UTS2B: variants seen among roughly 807,000 people sequenced by gnomAD.
UTS2B encodes the protein urotensin 2B.
Under a neutral mutation model 19.2 loss-of-function variants are expected in UTS2B, and 21 were observed. The observed-to-expected ratio is 1.09, with a 90% CI of 0.78 to 1.58. UTS2B has a LOEUF of 1.58. Ranked by LOEUF, UTS2B falls within the 40% of genes most tolerant of loss-of-function variation. The probability of loss-of-function intolerance (pLI) is 0.00; values close to 1 mark genes in which losing one functional copy is unlikely to be tolerated. For synonymous variants in UTS2B, 57 were observed against 50.2 expected (o/e 1.14, Z -0.58); for missense variants, 138 against 130.3 (o/e 1.06, Z -0.29).
chr3:191,268,562 T>C (rs1011370770), intron 8 of UTS2B, 121 bp from the exon 9 acceptor site: 1 of 627,358 alleles, frequency 1.6e-6, no homozygotes, highest in South Asian at 2.1e-5. Context: ...ACAGTCAATA[T>C]TGTAGCTACT....
rs373850010 is a variant in UTS2B, at chr3:191,285,603, T to C, written c.-124-3290A>G. On this transcript the variant is annotated intron_variant, in intron 4 of 8. Coordinates refer to ENST00000340524, the MANE Select transcript of UTS2B (RefSeq NM_198152.5). ...GAGACTCATTTCACTTTTAAAAATA[T>C]ACATAAGTTCAAAGTGCGCCCGGCT... Among the ~76,000 whole-genome samples the C allele has an allele frequency of 3.3e-4, 50 of 152,208 alleles. 2 individuals are homozygous for C. In the South Asian group the frequency reaches 8.9e-3, roughly 27 times the overall value.
chr3:191,313,847 C>CT lies in UTS2B; in HGVS notation c.-182+2188_-182+2189insA, dbSNP rs200257765. On this transcript the variant is annotated intron_variant, in intron 3 of 8. Coordinates refer to ENST00000340524, the MANE Select transcript of UTS2B (RefSeq NM_198152.5). The stretch of plus-strand genomic sequence containing the variant: ...CCAGGTTCAAGTGATTCTCCTTCCT[C>CT]CACCTCCTGAGTAGCTGAGCTCACT... Among the ~76,000 whole-genome samples the CT allele has an allele frequency of 9.2e-3, 1,390 of 151,596 alleles. 50 individuals carry two copies. Among genetic ancestry groups the CT allele is most frequent in the East Asian group, 0.076 (389 of 5,110 alleles).
At chr3:191,319,583 G>T (rs1285319954) in intron 2 of UTS2B, among the ~76,000 whole-genome samples, 1 of 151,684 alleles carries the variant, frequency 6.6e-6, no homozygotes, top group Non-Finnish European at 1.5e-5. Flanking sequence ...TTTTTGGCTG[G>T]GCATGGTGAC....
At chr3:191,274,038 G>A (rs1426738231) in intron 8 of UTS2B, among the ~76,000 whole-genome samples, 1 of 151,832 alleles carries the variant, frequency 6.6e-6, no homozygotes, top group Non-Finnish European at 1.5e-5. Flanking sequence ...AGAGACAGAG[G>A]TTGCAGTGAG....
chr3:191,309,375 G>A (rs773126458), intron 3 of UTS2B, among the ~76,000 whole-genome samples: 6 of 151,170 alleles, frequency 4.0e-5, no homozygotes, highest in South Asian at 4.2e-4. Context: ...AGGTTTCACC[G>A]TGTTAGCCAG....
chr3:191,293,296 A>G (rs931127208), intron 4 of UTS2B, among the ~76,000 whole-genome samples: 3 of 152,162 alleles, frequency 2.0e-5, no homozygotes, highest in African/African-American at 7.2e-5. Context: ...TTCTCTTTTA[A>G]GTTTTTGAAG....
At chr3:191,329,863 GGAATT>G (rs1458670039) in intron 1 of UTS2B, 1 of 662,426 alleles carries the variant, frequency 1.5e-6, no homozygotes, top group African/African-American at 2.0e-5. Context: ...GGACGTGAAA[GGAATT>G]GAATTCAGGT....
At chr3:191,296,140 C>T (rs2108589205) in intron 4 of UTS2B, among the ~76,000 whole-genome samples, 1 of 152,246 alleles carries the variant, frequency 6.6e-6, no homozygotes, top group Admixed American at 6.5e-5. Flanking sequence ...ATCTGTCTTC[C>T]CCTTTTCACA....
intron 2 of UTS2B, among the ~76,000 whole-genome samples, chr3:191,317,538 G>A (rs1250425233): frequency 2.6e-5 from 4 of 152,010 alleles, no homozygotes; most frequent in African/African-American, 9.7e-5. Context: ...ACGGCTGCTA[G>A]CACGTTGTCA....
intron 1 of UTS2B, among the ~76,000 whole-genome samples, chr3:191,329,944 G>GT (rs1466208528): frequency 3.4e-5 from 1 of 29,194 alleles, no homozygotes; most frequent in Non-Finnish European, 5.5e-5. Context: ...GGGGTGGTTG[G>GT]GGGGGGGGGG....
At chr3:191,314,953 T>C (rs992908590) in intron 3 of UTS2B, among the ~76,000 whole-genome samples, 2 of 152,148 alleles carry the variant, frequency 1.3e-5, no homozygotes, top group African/African-American at 2.4e-5. Flanking sequence ...TGTAATATCC[T>C]TTATGATAAA....
chr3:191,327,480 C>T (rs1425199399), intron 2 of UTS2B, among the ~76,000 whole-genome samples: 5 of 152,192 alleles, frequency 3.3e-5, no homozygotes, highest in African/African-American at 1.2e-4. Context: ...CACTCTAGGC[C>T]TGAAGGGACA....
intron 1 of UTS2B, chr3:191,329,418 A>C: frequency 3.0e-5 from 12 of 403,562 alleles, no homozygotes; most frequent in East Asian, 9.2e-5. Flanking sequence ...GATATTTGGT[A>C]TCGATTGGGG....
Position 191,278,161 on chromosome 3 carries a change from A to T in UTS2B, c.113T>A (p.Ile38Lys). ...ATTTGTATATTTTTTATCTGGAAAT[A>T]TTTCATTTCCTATAATGATCAAAAA... ...GRPYLTQGNE[I>K]FPDKKYTNRE... is the part of the protein sequence containing the mutation. Residue 38 changes from isoleucine to lysine, a missense_variant, in exon 6 of 9, where the codon ATA (isoleucine) becomes AAA (lysine). Physicochemically the swap from Ile to Lys is moderately radical, Grantham distance 102 (BLOSUM62 -3). Coordinates refer to ENST00000340524, the MANE Select transcript of UTS2B (RefSeq NM_198152.5). 1.3e-6 allele frequency: 2 copies of T among 1,514,714 alleles called. No homozygotes were observed. Among genetic ancestry groups the T allele is most frequent in the Non-Finnish European group, 1.8e-6 (2 of 1,122,222 alleles). 93.8% of individuals were successfully genotyped at this position (1,514,714 alleles called of 1,614,324 possible).
At chr3:191,291,864 A>G (rs1560138095) in intron 4 of UTS2B, among the ~76,000 whole-genome samples, 1 of 152,144 alleles carries the variant, frequency 6.6e-6, no homozygotes. Context: ...TGTTTAGAAG[A>G]TAATTCTTTC....
At chr3:191,282,394 G>C in intron 4 of UTS2B, 81 bp from the exon 5 acceptor site, 1 of 485,634 alleles carries the variant, frequency 2.1e-6, no homozygotes, top group Non-Finnish European at 3.7e-6. Context: ...TCACTACTTG[G>C]AGAAGTGACA....
upstream of UTS2B, among the ~76,000 whole-genome samples, chr3:191,334,586 G>T (rs1355856526): frequency 3.9e-5 from 6 of 152,092 alleles, no homozygotes; most frequent in Non-Finnish European, 7.4e-5. Flanking sequence ...AAGTAGCTAG[G>T]AATTGGCACA....
At chr3:191,313,017 GTTTT>G (rs34512583) in intron 3 of UTS2B, among the ~76,000 whole-genome samples, 3 of 143,850 alleles carry the variant, frequency 2.1e-5, no homozygotes, top group African/African-American at 7.7e-5. Context: ...TGTCAAACAG[GTTTT>G]TTTTTTTTTT....
At position 191,268,452 on chromosome 3, in the gene UTS2B, A is replaced by C. The variant is rs1320331075; in HGVS notation, c.335-11T>G. On this transcript the variant is annotated splice_polypyrimidine_tract_variant and intron_variant, in intron 8 of 8. Coordinates refer to ENST00000340524, the MANE Select transcript of UTS2B (RefSeq NM_198152.5). ...ATTTCCAAAAGCAAGCTAAAGAAGA[A>C]AACAAAATACATTTTTTATTAGAAG... The C allele has an allele frequency of 6.5e-7, 1 of 1,544,534 alleles. No homozygotes were observed. Among genetic ancestry groups the C allele is most frequent in the South Asian group, 1.2e-5 (1 of 85,560 alleles).
Sources: allele counts gnomAD v4.1 joint callset (sites outside exome capture counted in the v4.1 genomes callset), GRCh38; gene constraint gnomAD v4.1.1; transcripts MANE v1.5; gene names NCBI Gene and HGNC (gene_info 2026-07-23, HGNC 2026-07-21).